Variants in MACROD2 observed in about 807,000 individuals in gnomAD.
The protein encoded by MACROD2 is ADP-ribose glycohydrolase MACROD2.
A neutral mutation model predicts 70.4 loss-of-function variants in MACROD2; 36 were observed. The ratio of observed to expected loss-of-function variants is 0.51; its 90% CI spans 0.39 to 0.68. MACROD2 has a LOEUF of 0.68. Among genes scored for constraint, MACROD2 ranks in the 30% least tolerant of loss-of-function variants. The pLI is 0.00. For missense variants in MACROD2, 496 were observed against 538.4 expected, an observed-to-expected ratio of 0.92 and a Z score of 0.78; for synonymous variants, 172 against 178.8, an observed-to-expected ratio of 0.96 and a Z score of 0.30.
intron 5 of MACROD2, among the ~76,000 whole-genome samples, chr20:15,165,301 C>T: frequency 6.6e-6 from 1 of 152,100 alleles, no homozygotes; most frequent in East Asian, 1.9e-4. Context: ...ACTAAAAATA[C>T]AAAAATTAGC....
At chr20:14,642,427 T>G (rs1489761585) in intron 4 of MACROD2, among the ~76,000 whole-genome samples, 4 of 152,174 alleles carry the variant, frequency 2.6e-5, no homozygotes, top group East Asian at 1.9e-4. Flanking sequence ...TCCTTCGCAT[T>G]CACATCATGG....
intron 10 of MACROD2, among the ~76,000 whole-genome samples, chr20:15,919,577 A>C (rs2065370659): frequency 1.3e-5 from 2 of 152,170 alleles, no homozygotes; most frequent in Non-Finnish European, 2.9e-5. Flanking sequence ...TCTACTAAAA[A>C]TACAAGAAAT....
chr20:15,392,948 T>C (rs1345381905), intron 6 of MACROD2, among the ~76,000 whole-genome samples: 1 of 152,050 alleles, frequency 6.6e-6, no homozygotes, highest in African/African-American at 2.4e-5. Context: ...CTCACCCCAG[T>C]TCTCGGTGCT....
At chr20:15,021,265 T>TGTGTATGTATACGCATAC (rs1386024417) in intron 5 of MACROD2, among the ~76,000 whole-genome samples, 4 of 7,892 alleles carry the variant, frequency 5.1e-4, no homozygotes, top group Admixed American at 1.7e-3. Flanking sequence ...CACACACCTG[T>TGTGTATGTATACGCATAC]GTGTGTGTAT....
chr20:15,821,164 G>A (rs760873125), intron 8 of MACROD2, among the ~76,000 whole-genome samples: 11 of 151,796 alleles, frequency 7.2e-5, no homozygotes, highest in South Asian at 2.1e-4. Context: ...TAGTTACTTC[G>A]TGTATATATT....
intron 5 of MACROD2, among the ~76,000 whole-genome samples, chr20:14,882,959 T>TGA (rs2122473480): frequency 6.6e-6 from 1 of 152,228 alleles, no homozygotes; most frequent in East Asian, 1.9e-4. Flanking sequence ...ATAAAAGTGG[T>TGA]GAGAATGGCC....
At chr20:15,064,323 C>T (rs1435584093) in intron 5 of MACROD2, among the ~76,000 whole-genome samples, 2 of 152,140 alleles carry the variant, frequency 1.3e-5, no homozygotes, top group Non-Finnish European at 2.9e-5. Flanking sequence ...ACCCCAGAAC[C>T]ACCAAGCCCA....
intron 6 of MACROD2, among the ~76,000 whole-genome samples, chr20:15,297,095 C>T (rs2077597098): frequency 6.6e-6 from 1 of 152,206 alleles, no homozygotes; most frequent in Non-Finnish European, 1.5e-5. Context: ...TCCATGATTT[C>T]TGCTTTCGTC....
chr20:14,690,684 A>G (rs1315173573), intron 5 of MACROD2, among the ~76,000 whole-genome samples: 2 of 152,184 alleles, frequency 1.3e-5, no homozygotes, highest in Non-Finnish European at 2.9e-5. Flanking sequence ...TGAGCTGGGA[A>G]AGGAGTCTCT....
chr20:14,331,649 A>G (rs2122611380), intron 3 of MACROD2, among the ~76,000 whole-genome samples: 1 of 152,244 alleles, frequency 6.6e-6, no homozygotes, highest in Non-Finnish European at 1.5e-5. Context: ...ATGTTTAACT[A>G]CGTTTTATAT....
At chr20:15,710,279 G>A (rs2050607699) in intron 8 of MACROD2, among the ~76,000 whole-genome samples, 1 of 150,396 alleles carries the variant, frequency 6.6e-6, no homozygotes, top group African/African-American at 2.4e-5. Flanking sequence ...AACTAGTACA[G>A]CCATTATAAA....
intron 3 of MACROD2, among the ~76,000 whole-genome samples, chr20:14,258,686 C>G (rs552650574): frequency 6.6e-6 from 1 of 152,044 alleles, no homozygotes; most frequent in Admixed American, 6.6e-5. Context: ...CTAATTGTTT[C>G]TTTTGCTGTG....
chr20:14,104,766 T>A (rs2054346601), intron 3 of MACROD2, among the ~76,000 whole-genome samples: 1 of 152,216 alleles, frequency 6.6e-6, no homozygotes, highest in South Asian at 2.1e-4. Context: ...TCATTTGGAC[T>A]GAGCCAATTA....
chr20:15,426,994 C>T (rs1235169296), intron 6 of MACROD2, among the ~76,000 whole-genome samples: 1 of 149,798 alleles, frequency 6.7e-6, no homozygotes, highest in Non-Finnish European at 1.5e-5. Context: ...CTTTCTCAAT[C>T]TCTCTCTCCC....
chr20:15,608,148 G>A (rs1299757106), intron 8 of MACROD2, among the ~76,000 whole-genome samples: 4 of 152,044 alleles, frequency 2.6e-5, no homozygotes, highest in Admixed American at 2.6e-4. Context: ...ATATAAGCTT[G>A]TGTCTTGGTT....
intron 5 of MACROD2, among the ~76,000 whole-genome samples, chr20:14,897,411 T>A (rs979886590): frequency 3.3e-5 from 5 of 152,186 alleles, no homozygotes; most frequent in Admixed American, 2.6e-4. Flanking sequence ...ATGCAGAATT[T>A]GGTGAAATAA....
In MACROD2 at chr20:14,745,710, A is replaced by G. The variant is rs187032064; in HGVS notation, c.418+60751A>G. Among the ~76,000 whole-genome samples the G allele has an allele frequency of 2.6e-5, 4 of 152,252 alleles. No homozygotes were observed. In the East Asian group the frequency reaches 7.7e-4, roughly 29 times the overall value. On this transcript the variant is annotated intron_variant, in intron 5 of 17. Coordinates refer to ENST00000684519, the MANE Select transcript of MACROD2 (RefSeq NM_001351661.2). ...GTGCTCAATAAATGCCTCTCATTGTATGTACCAGGCGATTTTACCCCCACC... is the reference window on the plus strand; with the variant it reads ...GTGCTCAATAAATGCCTCTCATTGTGTGTACCAGGCGATTTTACCCCCACC...
chr20:14,918,385 A>G (rs889633264), intron 5 of MACROD2, among the ~76,000 whole-genome samples: 1 of 152,180 alleles, frequency 6.6e-6, no homozygotes, highest in African/African-American at 2.4e-5. Context: ...GCTGCTAGAG[A>G]GAGGTTGCTT....
At chr20:15,054,735 G>C (rs1181410126) in intron 5 of MACROD2, among the ~76,000 whole-genome samples, 1 of 152,116 alleles carries the variant, frequency 6.6e-6, no homozygotes, top group Non-Finnish European at 1.5e-5. Flanking sequence ...CCACATTACA[G>C]AGGGAGAATA....
Sources: gnomAD v4.1 joint callset for allele counts (sites outside exome capture counted in the v4.1 genomes callset) on GRCh38, gnomAD v4.1.1 for gene constraint, MANE v1.5 for transcripts, NCBI Gene and HGNC (gene_info 2026-07-23, HGNC 2026-07-21) for gene names.